Variants in ASCC3 observed in about 807,000 individuals in gnomAD.
The protein encoded by ASCC3 is ASC-1 complex subunit P200.
ASCC3 carries 158 observed loss-of-function variants against 256.3 expected under a neutral mutation model. The ratio of observed to expected loss-of-function variants is 0.62; its 90% confidence interval spans 0.54 to 0.70. ASCC3 has a LOEUF of 0.70. Among genes scored for constraint, ASCC3 ranks in the 30% least tolerant of loss-of-function variants. The probability of loss-of-function intolerance (pLI) is 0.00; values close to 1 mark genes in which losing one functional copy is unlikely to be tolerated. For synonymous variants in ASCC3, 948 were observed against 883.4 expected, an observed-to-expected ratio of 1.07 and a Z score of -1.30; for missense variants, 2,259 against 2,626.0, an observed-to-expected ratio of 0.86 and a Z score of 3.05.
At chr6:100,827,718 C>T (rs1238320421) in intron 4 of ASCC3, among the ~76,000 whole-genome samples, 1 of 152,090 alleles carries the variant, frequency 6.6e-6, no homozygotes, top group Non-Finnish European at 1.5e-5. Flanking sequence ...CAGGATACTA[C>T]TATATTGTAC....
At chr6:100,623,980 G>C (rs375070808) in intron 30 of ASCC3, among the ~76,000 whole-genome samples, 83 of 151,968 alleles carry the variant, frequency 5.5e-4, no homozygotes, top group South Asian at 1.9e-3. Context: ...GTGGGAGGAG[G>C]GGGGAGGGAT....
At chr6:100,656,387 C>A (rs1775916490) in intron 16 of ASCC3, among the ~76,000 whole-genome samples, 1 of 151,512 alleles carries the variant, frequency 6.6e-6, no homozygotes. Context: ...TTGCACGAAA[C>A]AAAGCAGATT....
At chr6:100,623,564 G>GT (rs1774073434) in intron 30 of ASCC3, among the ~76,000 whole-genome samples, 1 of 152,084 alleles carries the variant, frequency 6.6e-6, no homozygotes, top group Admixed American at 6.6e-5. Context: ...TTGGAACATT[G>GT]TTTTTTACTG....
chr6:100,577,732 A>T (rs1027818304), intron 36 of ASCC3, among the ~76,000 whole-genome samples: 3 of 151,034 alleles, frequency 2.0e-5, no homozygotes, highest in African/African-American at 4.9e-5. Context: ...ACACACACAC[A>T]CCCACCCACC....
At chr6:100,524,400 G>T (rs1256250066) in intron 37 of ASCC3, among the ~76,000 whole-genome samples, 1 of 151,940 alleles carries the variant, frequency 6.6e-6, no homozygotes, top group African/African-American at 2.4e-5. Context: ...CTTGACATTT[G>T]ATCTTCAGGC....
At chr6:100,766,091 G>A (rs547395552) in intron 10 of ASCC3, among the ~76,000 whole-genome samples, 142 of 151,878 alleles carry the variant, frequency 9.3e-4, no homozygotes, top group East Asian at 2.5e-3. Flanking sequence ...CATTCATTTC[G>A]TCTAATATAG....
At chr6:100,761,484 T>C (rs1405673163) in intron 10 of ASCC3, among the ~76,000 whole-genome samples, 1 of 152,122 alleles carries the variant, frequency 6.6e-6, no homozygotes, top group Non-Finnish European at 1.5e-5. Flanking sequence ...TGAGACCTTT[T>C]CTCTAAAAAA....
chr6:100,761,926 A>T (rs181852184), intron 10 of ASCC3, among the ~76,000 whole-genome samples: 1 of 152,294 alleles, frequency 6.6e-6, no homozygotes, highest in East Asian at 1.9e-4. Context: ...CCCTTATCCC[A>T]TATATTGAAA....
At chr6:100,837,189 A>G (rs562846042) in intron 4 of ASCC3, among the ~76,000 whole-genome samples, 60 of 152,174 alleles carry the variant, frequency 3.9e-4, no homozygotes, top group Non-Finnish European at 6.0e-4. Flanking sequence ...TTTCACTCCA[A>G]TTAGAATTGC....
At chr6:100,872,421 C>T (rs962566326) in intron 1 of ASCC3, among the ~76,000 whole-genome samples, 2 of 133,732 alleles carry the variant, frequency 1.5e-5, no homozygotes, top group South Asian at 4.4e-4. Context: ...ACTACAGTAA[C>T]TGAAAACTTT....
intron 37 of ASCC3, among the ~76,000 whole-genome samples, chr6:100,533,942 G>A (rs1775037825): frequency 6.6e-6 from 1 of 152,186 alleles, no homozygotes; most frequent in Admixed American, 6.5e-5. Context: ...ACCTTTAGCA[G>A]AGCTATTTAA....
intron 16 of ASCC3, 48 bp downstream of exon 16, chr6:100,661,758 T>C: frequency 6.4e-7 from 1 of 1,571,238 alleles, no homozygotes; most frequent in Non-Finnish European, 8.8e-7. Context: ...TCTTGGTCAT[T>C]CTTAAGGCTG....
chr6:100,629,811 T>A (rs1301019677), intron 26 of ASCC3, among the ~76,000 whole-genome samples: 1 of 152,110 alleles, frequency 6.6e-6, no homozygotes, highest in African/African-American at 2.4e-5. Flanking sequence ...CCTATGTAGA[T>A]CTAGAGGAAT....
intron 30 of ASCC3, among the ~76,000 whole-genome samples, chr6:100,611,507 T>C (rs951128105): frequency 6.6e-6 from 1 of 152,094 alleles, no homozygotes; most frequent in East Asian, 1.9e-4. Context: ...TGACAATAGA[T>C]ATAATTTGTT....
chr6:100,602,055 A>G, intron 33 of ASCC3, 120 bp from the exon 34 acceptor site: 1 of 957,004 alleles, frequency 1.0e-6, no homozygotes, highest in South Asian at 1.7e-5. Flanking sequence ...TTTGTTTTAT[A>G]TAACTTAAAT....
chr6:100,537,084 T>C (rs371794861), intron 37 of ASCC3, among the ~76,000 whole-genome samples: 1 of 152,276 alleles, frequency 6.6e-6, no homozygotes, highest in Middle Eastern at 3.4e-3. Context: ...AAACAGAATA[T>C]TTATATAATC....
chr6:100,548,142 T>G (rs967801532), intron 36 of ASCC3, among the ~76,000 whole-genome samples: 1 of 151,712 alleles, frequency 6.6e-6, no homozygotes, highest in African/African-American at 2.4e-5. Flanking sequence ...ACTAGCTACC[T>G]AGGGGAGTGG....
intron 2 of ASCC3, among the ~76,000 whole-genome samples, chr6:100,866,261 C>A (rs116229050): frequency 0.017 from 2,515 of 152,294 alleles, 71 homozygotes; most frequent in African/African-American, 0.058. Flanking sequence ...TGAGCCACAG[C>A]GCCTGGCCCT....
intron 1 of ASCC3, among the ~76,000 whole-genome samples, chr6:100,870,228 A>ATTTTTTTAATGCATTTTTTCATGCAT (rs11455279): frequency 1.3e-5 from 2 of 150,660 alleles, no homozygotes; most frequent in African/African-American, 4.9e-5. Flanking sequence ...TTTTTAATGC[A>ATTTTTTTAATGCATTTTTTCATGCAT]TTTTTTAATG....
Sources: gnomAD v4.1 joint callset for allele counts (sites outside exome capture counted in the v4.1 genomes callset) on GRCh38, gnomAD v4.1.1 for gene constraint, MANE v1.5 for transcripts, NCBI Gene and HGNC (gene_info 2026-07-23, HGNC 2026-07-21) for gene names.